SORCS3: variants seen among roughly 807,000 people sequenced by gnomAD.
The protein encoded by SORCS3 is sortilin related VPS10 domain containing receptor 3.
A neutral mutation model predicts 146.3 loss-of-function variants in SORCS3; 57 were observed. That is an observed-to-expected ratio of 0.39 (90% CI 0.31 to 0.49). The LOEUF is 0.49. Ranked by LOEUF, SORCS3 falls within the 20% of genes least tolerant of loss-of-function variation. The pLI is 0.92. For missense variants in SORCS3, 1,341 were observed against 1,575.5 expected, an observed-to-expected ratio of 0.85 and a Z score of 2.52; for synonymous variants, 653 against 618.5, an observed-to-expected ratio of 1.06 and a Z score of -0.83.
chr10:104,641,339 G>A lies in SORCS3; in HGVS notation c.12G>A (p.Ala4=), dbSNP rs1379963568. 3.0e-6 allele frequency: 4 copies of A among 1,340,576 alleles called. No homozygotes were observed. The highest frequency in any genetic ancestry group is 3.8e-6 in the Non-Finnish European group (4 of 1,050,212). 83.0% of individuals were successfully genotyped at this position (1,340,576 alleles called of 1,614,324 possible). The stretch of plus-strand genomic sequence containing the variant: ...GTAGCCGCAGCGGGATGGAGGCGGC[G>A]CGCACGGAGCGCCCCGCAGGCAGGC... MEA[A]RTERPAGRPG... Residue 4 remains alanine, a synonymous_variant, in exon 1 of 27, where the codon GCG becomes GCA. Coordinates refer to ENST00000369701, the MANE Select transcript of SORCS3 (RefSeq NM_014978.3). This position sits in a 1 kb window ranked among gnomAD's most constrained non-coding sequence, Gnocchi z 6.4.
intron 1 of SORCS3, among the ~76,000 whole-genome samples, chr10:104,693,386 G>C (rs2133423525): frequency 6.6e-6 from 1 of 152,322 alleles, no homozygotes; most frequent in African/African-American, 2.4e-5. Context: ...GTATCCGAGA[G>C]ATGACTTGCC....
intron 5 of SORCS3, among the ~76,000 whole-genome samples, chr10:105,054,438 T>G (rs1414085737): frequency 6.6e-6 from 1 of 151,908 alleles, no homozygotes; most frequent in Non-Finnish European, 1.5e-5. Flanking sequence ...ATTTAGTATT[T>G]TCCAACAATA....
intron 1 of SORCS3, among the ~76,000 whole-genome samples, chr10:104,781,894 T>C (rs2017378101): frequency 6.6e-6 from 1 of 152,218 alleles, no homozygotes; most frequent in Non-Finnish European, 1.5e-5. Flanking sequence ...TCTGCCATCA[T>C]TTGCTCACTG....
intron 2 of SORCS3, among the ~76,000 whole-genome samples, chr10:104,907,863 C>T (rs1487562144): frequency 2.0e-5 from 3 of 152,190 alleles, no homozygotes; most frequent in Non-Finnish European, 4.4e-5. Context: ...TTACTTTTGG[C>T]TTGAGGTCTG....
intron 1 of SORCS3, among the ~76,000 whole-genome samples, chr10:104,648,349 C>T (rs1252960312): frequency 6.6e-6 from 1 of 152,130 alleles, no homozygotes; most frequent in Non-Finnish European, 1.5e-5. Flanking sequence ...CCTCTTCACA[C>T]CCATTTTTCT....
At chr10:104,935,565 G>A (rs939961501) in intron 3 of SORCS3, among the ~76,000 whole-genome samples, 1 of 152,178 alleles carries the variant, frequency 6.6e-6, no homozygotes, top group Non-Finnish European at 1.5e-5. Flanking sequence ...ATTTTATTTA[G>A]TGTCTTTTGT....
At chr10:105,173,648 T>A (rs1413558131) in intron 13 of SORCS3, among the ~76,000 whole-genome samples, 1 of 152,196 alleles carries the variant, frequency 6.6e-6, no homozygotes, top group Non-Finnish European at 1.5e-5. Flanking sequence ...GTGAAACTTG[T>A]CTTTTAAAGC....
At chr10:104,778,295 G>A (rs1235893442) in intron 1 of SORCS3, among the ~76,000 whole-genome samples, 1 of 152,158 alleles carries the variant, frequency 6.6e-6, no homozygotes, top group Non-Finnish European at 1.5e-5. Flanking sequence ...CCAGGGGTGG[G>A]CCTGGGAATT....
At chr10:104,854,776 T>C (rs1456827327) in intron 2 of SORCS3, among the ~76,000 whole-genome samples, 2 of 152,164 alleles carry the variant, frequency 1.3e-5, no homozygotes, top group Non-Finnish European at 2.9e-5. Flanking sequence ...TTTCTAAAAT[T>C]CTATTATTTC....
chr10:105,098,763 G>A (rs1484264111), intron 6 of SORCS3, among the ~76,000 whole-genome samples: 1 of 152,304 alleles, frequency 6.6e-6, no homozygotes. Flanking sequence ...TGTTGTCATC[G>A]TCATTGTCAT....
chr10:105,158,900 T>C lies in SORCS3; in HGVS notation c.1638T>C (p.Cys546=). 6.2e-7 allele frequency: 1 copy of C among 1,611,754 alleles called. No individual in the cohort carries two copies. The highest frequency in any genetic ancestry group is 8.5e-7 in the Non-Finnish European group (1 of 1,178,158). The stretch of plus-strand genomic sequence containing the variant: ...TTCTTTCTCCATTTTAGCCCTTCTG[T>C]TCCTTACATCTGCACCTGCAACTCT... The part of the protein sequence containing the change: ...GSPVHCLLPF[C]SLHLHLQLSE... The change falls in exon 11 of 27, where the codon TGT becomes TGC. Residue 546 remains cysteine (C), a synonymous_variant. Transcript: ENST00000369701.
chr10:104,798,787 T>C (rs1453347866), intron 1 of SORCS3, among the ~76,000 whole-genome samples: 3 of 152,144 alleles, frequency 2.0e-5, no homozygotes, highest in African/African-American at 2.4e-5. Flanking sequence ...AGAAAATTTT[T>C]GCAATCTATC....
chr10:105,209,037 T>G (rs1388995379), intron 16 of SORCS3, among the ~76,000 whole-genome samples: 2 of 152,214 alleles, frequency 1.3e-5, no homozygotes, highest in East Asian at 1.9e-4. Context: ...AGGAATCTGT[T>G]GGGCACTTGG....
chr10:104,945,252 T>C (rs1589560599), intron 3 of SORCS3, among the ~76,000 whole-genome samples: 1 of 123,906 alleles, frequency 8.1e-6, no homozygotes, highest in East Asian at 2.3e-4. Context: ...TGTTTTGTTT[T>C]GTTTTGTTTT....
chr10:105,015,360 A>G (rs938818161), intron 4 of SORCS3, among the ~76,000 whole-genome samples: 11 of 152,354 alleles, frequency 7.2e-5, no homozygotes, highest in Non-Finnish European at 1.5e-4. Flanking sequence ...GGCTGGAAGT[A>G]ACTCAAATGC....
chr10:104,969,821 C>G (rs912913086), intron 3 of SORCS3, among the ~76,000 whole-genome samples: 25 of 151,698 alleles, frequency 1.6e-4, no homozygotes, highest in Non-Finnish European at 3.1e-4. Flanking sequence ...GATTAATGTG[C>G]ATTTGGGTAT....
intron 1 of SORCS3, among the ~76,000 whole-genome samples, chr10:104,709,064 G>A (rs1224395521): frequency 6.6e-6 from 1 of 152,178 alleles, no homozygotes; most frequent in Non-Finnish European, 1.5e-5. Flanking sequence ...CAGCAATTCT[G>A]TCTAGCCCTC....
rs771097639 is a variant in SORCS3, at chr10:105,194,483, G to A, written c.2010-5516G>A. 4.9e-4 allele frequency among the ~76,000 whole-genome samples: 75 copies of A among 152,128 alleles called. 1 individual carries two copies. Among genetic ancestry groups the A allele is most frequent in the Non-Finnish European group, 6.6e-4 (45 of 68,012 alleles). ...GGGCTAGCAATGGGTTTCTGAAAAA[G>A]GCTGTCAAAATAGTTTATCTTGGTA... On this transcript the variant is annotated intron_variant, in intron 14 of 26. Transcript: ENST00000369701.
intron 20 of SORCS3, among the ~76,000 whole-genome samples, chr10:105,241,254 G>T (rs2056821243): frequency 6.6e-6 from 1 of 152,170 alleles, no homozygotes; most frequent in Non-Finnish European, 1.5e-5. Context: ...GTGGGAGGGA[G>T]CATGTGAGCG....
Sources: gnomAD v4.1 joint callset for allele counts (sites outside exome capture counted in the v4.1 genomes callset) on GRCh38, gnomAD v4.1.1 for gene constraint, Gnocchi (gnomAD v3.1) non-coding constraint, MANE v1.5 for transcripts, NCBI Gene and HGNC (gene_info 2026-07-23, HGNC 2026-07-21) for gene names.